Variants in ARMC1 observed in about 807,000 individuals in gnomAD.
The protein encoded by ARMC1 is armadillo repeat containing 1.
ARMC1 carries 16 observed loss-of-function variants against 31.4 expected under a neutral mutation model. The observed-to-expected ratio is 0.51, with a 90% CI of 0.34 to 0.77. The LOEUF (loss-of-function observed/expected upper bound fraction) is 0.77. Among genes scored for constraint, ARMC1 ranks in the 30% least tolerant of loss-of-function variants. The pLI, the probability that ARMC1 is intolerant of heterozygous loss-of-function variation, is 0.01. For synonymous variants in ARMC1, 114 were observed against 118.9 expected (o/e 0.96, Z 0.27); for missense variants, 259 against 347.5 (o/e 0.75, Z 2.02).
intron 4 of ARMC1, among the ~76,000 whole-genome samples, chr8:65,612,738 C>T (rs1272093567): frequency 6.6e-6 from 1 of 151,346 alleles, no homozygotes. Flanking sequence ...GGTGCACACT[C>T]GTAATTCCAG....
At chr8:65,609,268 A>G (rs1585703621) in intron 4 of ARMC1, among the ~76,000 whole-genome samples, 1 of 151,688 alleles carries the variant, frequency 6.6e-6, no homozygotes. Flanking sequence ...ACACCTGGCT[A>G]GCCTATATTT....
At chr8:65,607,668 T>C (rs1023796289) in intron 4 of ARMC1, among the ~76,000 whole-genome samples, 1 of 152,206 alleles carries the variant, frequency 6.6e-6, no homozygotes, top group African/African-American at 2.4e-5. Flanking sequence ...TAAAAATTAG[T>C]ACATTCTACC....
At position 65,613,259 on chromosome 8, in the gene ARMC1, A is replaced by G. The variant is rs1808180474; in HGVS notation, c.450T>C (p.Asp150=). 6.2e-7 allele frequency: 1 copy of G among 1,606,532 alleles called. No individual in the cohort carries two copies. Among genetic ancestry groups the G allele is most frequent in the Non-Finnish European group, 8.5e-7 (1 of 1,177,834 alleles). Residue 150 remains aspartate, a synonymous_variant, in exon 4 of 7, where the codon GAT becomes GAC. Transcript: ENST00000276569. ...CAGACCTTACCGTATCATCAAGGCC[A>G]TCTATATGCAAAACCACTGTTTTGG... ...KRAKTVVLHI[D]GLDDTSRRNL...
At chr8:65,629,762 G>T (rs1392328205) in intron 1 of ARMC1, among the ~76,000 whole-genome samples, 2 of 142,970 alleles carry the variant, frequency 1.4e-5, no homozygotes, top group Non-Finnish European at 3.0e-5. Flanking sequence ...TTGTACCACT[G>T]CACTCCAGCC....
intron 1 of ARMC1, among the ~76,000 whole-genome samples, chr8:65,630,796 GCA>G (rs1299581415): frequency 4.7e-5 from 7 of 148,870 alleles, no homozygotes; most frequent in Admixed American, 2.0e-4. Context: ...TCCAGCCTGG[GCA>G]ACAGTGCCAG....
At chr8:65,630,925 A>G (rs1177233484) in intron 1 of ARMC1, among the ~76,000 whole-genome samples, 1 of 152,202 alleles carries the variant, frequency 6.6e-6, no homozygotes, top group East Asian at 1.9e-4. Flanking sequence ...TAGCTAATGC[A>G]GTTGGTGCTC....
At chr8:65,618,230 A>G (rs1230665316) in intron 3 of ARMC1, among the ~76,000 whole-genome samples, 1 of 151,530 alleles carries the variant, frequency 6.6e-6, no homozygotes, top group Admixed American at 6.6e-5. Context: ...CCCTTTAAGA[A>G]CCTAATGTAA....
At chr8:65,627,511 C>A in intron 1 of ARMC1, 78 bp from the exon 2 acceptor site, 1 of 769,368 alleles carries the variant, frequency 1.3e-6, no homozygotes, top group Non-Finnish European at 1.9e-6. Flanking sequence ...AGGATTACAA[C>A]ACCTTTAGAA....
rs1381714445 is a variant in ARMC1 at position 65,604,547 on chromosome 8, T to G, written c.696A>C (p.Glu232Asp). 5 of 1,613,980 alleles carry G rather than the reference T, an allele frequency of 3.1e-6. No individual in the cohort carries two copies. The Middle Eastern group carries it at 4.9e-4, about 160-fold the overall frequency. Reference sequence around the variant, plus strand: ...GGTAGTCAGGTAGCTCTGTGTTCTGTTCAACTTCCACAGGAGTATCTTGGA... The same window carrying G: ...GGTAGTCAGGTAGCTCTGTGTTCTGGTCAACTTCCACAGGAGTATCTTGGA... ...VPFQDTPVEV[E>D]QNTELPDYLP... Residue 232 changes from glutamate to aspartate, a missense_variant, in exon 7 of 7, where the codon GAA (glutamate) becomes GAC (aspartate). Around this residue, in one of 3 missense-constraint regions of ARMC1, gnomAD observed 73 missense variants for 100.0 expected, o/e 0.73. Transcript: ENST00000276569.
In ARMC1 at chr8:65,623,786, C is replaced by CTTTTTTTTTTTT. The variant is rs201008780; in HGVS notation, c.184-1444_184-1433dup. Among the ~76,000 whole-genome samples, 35 of 26,078 alleles carry CTTTTTTTTTTTT rather than the reference C, an allele frequency of 1.3e-3. 2 individuals carry two copies. The highest frequency in any genetic ancestry group is 1.6e-3 in the African/African-American group (10 of 6,072). 17.1% of individuals were successfully genotyped at this position (26,078 alleles called of 152,430 possible). ...ATGCCAGAAGACAACAAAGTAAAAT[C>CTTTTTTTTTTTT]TTTTTTTTTTTTTTTTTTTTTTTTT... On this transcript the variant is annotated intron_variant, in intron 2 of 6. Coordinates refer to ENST00000276569, the MANE Select transcript of ARMC1 (RefSeq NM_018120.6).
intron 2 of ARMC1, among the ~76,000 whole-genome samples, chr8:65,624,688 T>C (rs946530769): frequency 1.3e-5 from 2 of 152,042 alleles, no homozygotes; most frequent in African/African-American, 4.8e-5. Context: ...ATGTTAAGGG[T>C]ATGATTCATT....
chr8:65,611,046 G>C (rs999265066), intron 4 of ARMC1, among the ~76,000 whole-genome samples: 4 of 151,712 alleles, frequency 2.6e-5, no homozygotes, highest in African/African-American at 9.7e-5. Context: ...CGATTCTCCT[G>C]CCTCAGCCTC....
intron 4 of ARMC1, among the ~76,000 whole-genome samples, chr8:65,606,060 G>A (rs1337585848): frequency 2.0e-5 from 3 of 152,060 alleles, no homozygotes; most frequent in Non-Finnish European, 2.9e-5. Flanking sequence ...TTTACTTTCT[G>A]GTCCTATAAA....
chr8:65,613,106 TG>T, intron 4 of ARMC1, 137 bp downstream of exon 4: 1 of 553,070 alleles, frequency 1.8e-6, no homozygotes, highest in Non-Finnish European at 3.0e-6. Context: ...TATGATTAAC[TG>T]ACCTCTTTAG....
intron 4 of ARMC1, among the ~76,000 whole-genome samples, chr8:65,612,412 T>C (rs1297201137): frequency 2.0e-5 from 3 of 151,380 alleles, no homozygotes; most frequent in Non-Finnish European, 4.4e-5. Context: ...ACTATGATTG[T>C]GCCACTGCAC....
At chr8:65,622,199 G>A (rs1449277501) in intron 3 of ARMC1, 64 bp downstream of exon 3, 1 of 1,291,806 alleles carries the variant, frequency 7.7e-7, no homozygotes, top group Non-Finnish European at 1.1e-6. Flanking sequence ...AACATAGTGA[G>A]GCCCTGTAAG....
At chr8:65,608,092 T>C (rs1023827242) in intron 4 of ARMC1, among the ~76,000 whole-genome samples, 1 of 152,358 alleles carries the variant, frequency 6.6e-6, no homozygotes, top group East Asian at 1.9e-4. Context: ...GGATTTTCTA[T>C]ATTTACAGCT....
chr8:65,605,138 T>C (rs1807974976), intron 6 of ARMC1, 125 bp downstream of exon 6: 1 of 771,590 alleles, frequency 1.3e-6, no homozygotes, highest in South Asian at 1.9e-5. Context: ...CAGTTAACTG[T>C]TAACCAAGAA....
intron 2 of ARMC1, among the ~76,000 whole-genome samples, chr8:65,626,366 G>A (rs182430096): frequency 9.9e-4 from 149 of 150,380 alleles, no homozygotes; most frequent in Admixed American, 3.6e-3. Flanking sequence ...CACTTTGAGA[G>A]CTCGAGGTAG....
Sources: allele counts gnomAD v4.1 joint callset (sites outside exome capture counted in the v4.1 genomes callset), GRCh38; gene constraint gnomAD v4.1.1; regional missense constraint gnomAD v4.1.1; transcripts MANE v1.5; gene names NCBI Gene and HGNC (gene_info 2026-07-23, HGNC 2026-07-21).